The following FKBP5 variants were observed in gnomAD, a reference collection of about 807,000 sequenced individuals.
The protein encoded by FKBP5 is FKBP prolyl isomerase 5.
In FKBP5, 23 loss-of-function variants were observed where a neutral mutation model predicts 50.5. The observed-to-expected ratio is 0.46, with a 90% CI of 0.33 to 0.65. The LOEUF (loss-of-function observed/expected upper bound fraction) is 0.65. Among genes scored for constraint, FKBP5 ranks in the 30% least tolerant of loss-of-function variants. The pLI is 0.02. For synonymous variants in FKBP5, 176 were observed against 190.6 expected, an observed-to-expected ratio of 0.92 and a Z score of 0.63; for missense variants, 411 against 553.1, an observed-to-expected ratio of 0.74 and a Z score of 2.58.
At chr6:35,679,832 C>A (rs929808118) in intron 1 of FKBP5, among the ~76,000 whole-genome samples, 13 of 152,220 alleles carry the variant, frequency 8.5e-5, no homozygotes, top group Non-Finnish European at 8.8e-5. Flanking sequence ...ACTCAGGTAA[C>A]AGATGCACTA....
Position 35,659,578 on chromosome 6 carries a change from T to C in FKBP5, c.-19-16735A>G, listed in dbSNP as rs1765040829. Among the ~76,000 whole-genome samples, 2 of 85,116 alleles carry C rather than the reference T, an allele frequency of 2.3e-5. 1 individual carries two copies. The highest frequency in any genetic ancestry group is 5.4e-5 in the Non-Finnish European group (2 of 36,796). 55.8% of individuals were successfully genotyped at this position (85,116 alleles called of 152,430 possible). A position where few individuals can be genotyped will look rare whatever the true frequency, so the allele number is the denominator to read the frequency against. Reference sequence around the variant, plus strand: ...AATTTCTTTAATAGATATAGGACTTTTCAGGTTGTTTCTTCTTCAGTGAGC... The same window carrying C: ...AATTTCTTTAATAGATATAGGACTTCTCAGGTTGTTTCTTCTTCAGTGAGC... On this transcript the variant is annotated intron_variant, in intron 1 of 10. Transcript: ENST00000357266.
chr6:35,596,369 A>G lies in FKBP5; in HGVS notation c.665+879T>C, dbSNP rs146843165. On this transcript the variant is annotated intron_variant, in intron 6 of 10. Transcript: ENST00000357266. ...ACTCCATCTCAAAATATATATATAT[A>G]TGATTATGGATCAAGTGCTGGGGCA... Among the ~76,000 whole-genome samples the G allele has an allele frequency of 4.1e-3, 629 of 152,182 alleles. 4 individuals are homozygous for G. Among genetic ancestry groups the G allele is most frequent in the African/African-American group, 0.014 (580 of 41,514 alleles).
chr6:35,626,506 A>T (rs1476047518), intron 3 of FKBP5, among the ~76,000 whole-genome samples: 1 of 152,222 alleles, frequency 6.6e-6, no homozygotes, highest in Non-Finnish European at 1.5e-5. Context: ...GGGGGGATAA[A>T]AAAAAGCATT....
At chr6:35,666,689 G>A (rs1330305391) in intron 1 of FKBP5, among the ~76,000 whole-genome samples, 12 of 152,054 alleles carry the variant, frequency 7.9e-5, no homozygotes, top group Admixed American at 7.9e-4. Flanking sequence ...AAGAGATCAA[G>A]ACCATCCTGG....
chr6:35,641,520 C>T lies in FKBP5; in HGVS notation c.105+1200G>A, dbSNP rs183327125. ...GCACCACTAGGCCATAGGAACTTTTCGGCCCCATTATAATCTTATGGGACC... is the reference window on the plus strand; with the variant it reads ...GCACCACTAGGCCATAGGAACTTTTTGGCCCCATTATAATCTTATGGGACC... On this transcript the variant is annotated intron_variant, in intron 2 of 10. Coordinates refer to ENST00000357266, the MANE Select transcript of FKBP5 (RefSeq NM_004117.4). Among the ~76,000 whole-genome samples, 31 of 152,276 alleles carry T rather than the reference C, an allele frequency of 2.0e-4. No individual in the cohort carries two copies. In the East Asian group the frequency reaches 4.1e-3, roughly 20 times the overall value.
intron 5 of FKBP5, among the ~76,000 whole-genome samples, chr6:35,613,791 G>C (rs1763564447): frequency 6.6e-6 from 1 of 152,186 alleles, no homozygotes; most frequent in South Asian, 2.1e-4. Flanking sequence ...ACGGTCTTTT[G>C]AGTGAAAAAG....
intron 1 of FKBP5, among the ~76,000 whole-genome samples, chr6:35,675,321 T>C (rs537709844): frequency 9.9e-5 from 15 of 152,236 alleles, no homozygotes; most frequent in Non-Finnish European, 1.6e-4. Context: ...TCTACAGATA[T>C]AGCATTTTGG....
At chr6:35,614,459 TG>T (rs1243480773) in intron 5 of FKBP5, among the ~76,000 whole-genome samples, 1 of 151,910 alleles carries the variant, frequency 6.6e-6, no homozygotes, top group Non-Finnish European at 1.5e-5. Context: ...GAACCCAAAA[TG>T]GAATATACAG....
intron 1 of FKBP5, among the ~76,000 whole-genome samples, chr6:35,653,919 G>C (rs758235793): frequency 2.5e-4 from 38 of 151,858 alleles, no homozygotes; most frequent in Non-Finnish European, 4.1e-4. Flanking sequence ...GGAATTCCAT[G>C]AATAAAAATT....
At chr6:35,715,587 G>A (rs772998919) in intron 2 of FKBP5, among the ~76,000 whole-genome samples, 20 of 152,298 alleles carry the variant, frequency 1.3e-4, no homozygotes, top group Non-Finnish European at 2.1e-4. Flanking sequence ...CAGCAGGAAC[G>A]GCATGTACAA....
chr6:35,581,183 A>T, intron 8 of FKBP5: 2 of 982,636 alleles, frequency 2.0e-6, no homozygotes, highest in Non-Finnish European at 2.4e-6. Flanking sequence ...ATAGTTGGAT[A>T]GTAGCATACA....
chr6:35,714,396 G>A (rs1488014019), intron 2 of FKBP5, among the ~76,000 whole-genome samples: 1 of 136,924 alleles, frequency 7.3e-6, no homozygotes, highest in South Asian at 2.4e-4. Context: ...TGGTTGCAGT[G>A]AGCCGAGATG....
intron 5 of FKBP5, among the ~76,000 whole-genome samples, chr6:35,603,981 C>T (rs562758436): frequency 5.9e-5 from 9 of 152,128 alleles, no homozygotes; most frequent in African/African-American, 2.2e-4. Context: ...GCTGGGATTA[C>T]AGGTGTGAGC....
intron 1 of FKBP5, among the ~76,000 whole-genome samples, chr6:35,668,560 GACT>G (rs764102698): frequency 6.6e-6 from 1 of 152,100 alleles, no homozygotes; most frequent in Non-Finnish European, 1.5e-5. Flanking sequence ...TGTTCTGTGT[GACT>G]ACAATTTCAT....
At chr6:35,635,837 CA>C (rs1321186729) in intron 3 of FKBP5, among the ~76,000 whole-genome samples, 1 of 152,102 alleles carries the variant, frequency 6.6e-6, no homozygotes, top group East Asian at 1.9e-4. Context: ...GGTTGAAGTA[CA>C]TAGAGAAGAA....
intron 1 of FKBP5, among the ~76,000 whole-genome samples, chr6:35,727,753 T>C (rs1766746743): frequency 6.6e-6 from 1 of 152,160 alleles, no homozygotes; most frequent in South Asian, 2.1e-4. Context: ...GACTGAGCGC[T>C]GGAGAAGCAC....
chr6:35,648,348 C>A (rs898142180), intron 1 of FKBP5, among the ~76,000 whole-genome samples: 1 of 152,142 alleles, frequency 6.6e-6, no homozygotes, highest in East Asian at 1.9e-4. Flanking sequence ...TAGCTCACTG[C>A]AGCCTTGAAT....
chr6:35,626,477 A>G (rs1003164129), intron 3 of FKBP5, among the ~76,000 whole-genome samples: 1 of 151,104 alleles, frequency 6.6e-6, no homozygotes, highest in South Asian at 2.1e-4. Flanking sequence ...CTTGAGTTTT[A>G]AAAAAAACGC....
chr6:35,633,415 C>T (rs781703713), intron 3 of FKBP5, among the ~76,000 whole-genome samples: 8 of 151,516 alleles, frequency 5.3e-5, no homozygotes, highest in Admixed American at 6.6e-5. Context: ...TGGTGGGGCG[C>T]GCCTGAAGTC....
Sources: allele counts gnomAD v4.1 joint callset (sites outside exome capture counted in the v4.1 genomes callset), GRCh38; gene constraint gnomAD v4.1.1; transcripts MANE v1.5; gene names NCBI Gene and HGNC (gene_info 2026-07-23, HGNC 2026-07-21).